Variants in RBFOX1 observed in about 807,000 individuals in gnomAD.
RBFOX1 encodes RNA binding protein fox-1 homolog 1.
Under a neutral mutation model 57.7 loss-of-function variants are expected in RBFOX1, and 8 were observed. That is an observed-to-expected ratio of 0.14 (90% CI 0.08 to 0.25). The LOEUF (loss-of-function observed/expected upper bound fraction) is 0.25, where lower values mean the gene tolerates loss of function less well. RBFOX1 is among the 10% of genes least tolerant of loss of function. RBFOX1 has a pLI of 1.00. For synonymous variants in RBFOX1, 326 were observed against 222.4 expected, an observed-to-expected ratio of 1.47 and a Z score of -4.15; for missense variants, 611 against 548.5, an observed-to-expected ratio of 1.11 and a Z score of -1.14.
intron 2 of RBFOX1, among the ~76,000 whole-genome samples, chr16:6,433,351 T>C (rs2153009742): frequency 6.6e-6 from 1 of 152,358 alleles, no homozygotes; most frequent in Admixed American, 6.5e-5. Context: ...ACTATTTCAG[T>C]TATCACTTCC....
intron 3 of RBFOX1, among the ~76,000 whole-genome samples, chr16:5,629,234 C>T (rs1194709079): frequency 1.3e-5 from 2 of 152,110 alleles, no homozygotes; most frequent in African/African-American, 2.4e-5. Flanking sequence ...GAATACCTTC[C>T]CTCTATCCCT....
chr16:6,604,389 C>T (rs1009501121), intron 2 of RBFOX1, among the ~76,000 whole-genome samples: 7 of 151,972 alleles, frequency 4.6e-5, no homozygotes, highest in African/African-American at 1.2e-4. Flanking sequence ...GTTGCCCAAG[C>T]AGGACTTACA....
chr16:5,758,351 G>A (rs912619763), intron 3 of RBFOX1, among the ~76,000 whole-genome samples: 13 of 152,134 alleles, frequency 8.5e-5, no homozygotes, highest in African/African-American at 1.2e-4. Flanking sequence ...ATTGGAGCAC[G>A]GAGACCTGGA....
At position 6,233,302 on chromosome 16, in the gene RBFOX1, A is replaced by C. The variant is rs2152908927; in HGVS notation, c.-126-83693A>C. 1.3e-5 allele frequency among the ~76,000 whole-genome samples: 2 copies of C among 152,238 alleles called. 1 individual carries two copies. The highest frequency in any genetic ancestry group is 4.1e-4 in the South Asian group (2 of 4,828). On this transcript the variant is annotated intron_variant, in intron 1 of 15. Coordinates refer to ENST00000550418, the MANE Select transcript of RBFOX1 (RefSeq NM_018723.4). ...GGAAGATACATTAAGACATGATTGC[A>C]GGGTGAGGTTTCTGTTAATTCCTTG...
intron 2 of RBFOX1, among the ~76,000 whole-genome samples, chr16:6,419,892 A>G (rs1052320529): frequency 6.6e-6 from 1 of 152,184 alleles, no homozygotes; most frequent in Admixed American, 6.6e-5. Context: ...TGGACCATCA[A>G]TCAGTAAAAA....
At position 5,946,049 on chromosome 16, in the gene RBFOX1, A is replaced by G. The variant is rs2059393876; in HGVS notation, c.351+78714A>G. Among the ~76,000 whole-genome samples the G allele has an allele frequency of 6.6e-6, 1 of 152,230 alleles. No individual in the cohort carries two copies. Among genetic ancestry groups the G allele is most frequent in the Non-Finnish European group, 1.5e-5 (1 of 68,042 alleles). ...AGAAAAGAAGTCTGCTTTGTTTGCTAGTAAAGTGAGGGGGAGACAGGGTTT... is the reference window on the plus strand; with the variant it reads ...AGAAAAGAAGTCTGCTTTGTTTGCTGGTAAAGTGAGGGGGAGACAGGGTTT... On this transcript the variant is annotated intron_variant, in intron 4 of 19. Transcript: ENST00000641259. This position sits in a 1 kb window ranked among gnomAD's most constrained non-coding sequence, Gnocchi z 4.6.
At chr16:5,879,800 C>T (rs1406717126) in intron 4 of RBFOX1, among the ~76,000 whole-genome samples, 2 of 152,284 alleles carry the variant, frequency 1.3e-5, no homozygotes, top group African/African-American at 2.4e-5. Flanking sequence ...GTACAGGATG[C>T]TTCTCTCTTG....
At chr16:6,964,360 A>G (rs962303462) in intron 3 of RBFOX1, among the ~76,000 whole-genome samples, 2 of 152,150 alleles carry the variant, frequency 1.3e-5, no homozygotes, top group Non-Finnish European at 2.9e-5. Flanking sequence ...TCTATGTGAC[A>G]CTGTAATGGT....
intron 3 of RBFOX1, among the ~76,000 whole-genome samples, chr16:6,894,106 A>G (rs962446299): frequency 1.3e-5 from 2 of 152,226 alleles, no homozygotes; most frequent in African/African-American, 4.8e-5. Flanking sequence ...AGACGAACAG[A>G]TACAAACATA....
intron 3 of RBFOX1, among the ~76,000 whole-genome samples, chr16:6,906,574 A>G (rs1416445303): frequency 6.6e-6 from 1 of 152,230 alleles, no homozygotes; most frequent in Admixed American, 6.5e-5. Flanking sequence ...GTTAAAAACA[A>G]GGGGTACATC....
chr16:6,674,105 A>C (rs9929593), intron 3 of RBFOX1, among the ~76,000 whole-genome samples: 101,799 of 152,022 alleles, frequency 0.67, 35,394 homozygotes, highest in Non-Finnish European at 0.76. Flanking sequence ...ACACCATTCA[A>C]ATTGGCTTAA....
intron 1 of RBFOX1, among the ~76,000 whole-genome samples, chr16:5,339,581 C>T (rs1320639091): frequency 1.4e-5 from 2 of 141,466 alleles, no homozygotes; most frequent in East Asian, 4.4e-4. Flanking sequence ...CTCTCGGGTT[C>T]AGGTGATTCT....
At chr16:6,940,848 AGTCT>A (rs1359177824) in intron 3 of RBFOX1, among the ~76,000 whole-genome samples, 2,393 of 58,394 alleles carry the variant, frequency 0.041, 101 homozygotes, top group Middle Eastern at 0.07. Context: ...ATGTCCGGCT[AGTCT>A]GTGTGTGTGT....
At chr16:7,659,628 A>G (rs567347065) in intron 12 of RBFOX1, among the ~76,000 whole-genome samples, 1 of 152,202 alleles carries the variant, frequency 6.6e-6, no homozygotes, top group South Asian at 2.1e-4. Context: ...ATGTTTTAAG[A>G]AAGTTAATGG....
At chr16:6,994,460 C>T (rs936980887) in intron 3 of RBFOX1, among the ~76,000 whole-genome samples, 1 of 152,130 alleles carries the variant, frequency 6.6e-6, no homozygotes, top group Non-Finnish European at 1.5e-5. Context: ...CTTTTTAATG[C>T]CATGCTAAGA....
At position 7,673,544 on chromosome 16, in the gene RBFOX1, T is replaced by G. The variant is rs778440708; in HGVS notation, c.931-3230T>G. 2.0e-5 allele frequency among the ~76,000 whole-genome samples: 3 copies of G among 152,174 alleles called. No homozygotes were observed. The East Asian group carries it at 5.8e-4, about 29-fold the overall frequency. On this transcript the variant is annotated intron_variant, in intron 13 of 15. Transcript: ENST00000550418. ...CAACATAGTGAGACCCCATCTCTAG[T>G]AGTAATAAGAGAACAAAATGCTTTA...
At chr16:7,257,888 A>G (rs889051004) in intron 4 of RBFOX1, among the ~76,000 whole-genome samples, 1 of 152,174 alleles carries the variant, frequency 6.6e-6, no homozygotes, top group Non-Finnish European at 1.5e-5. Context: ...TGGGCAGGGA[A>G]TGATTTGGTT....
At chr16:5,844,973 TC>T (rs529658583) in intron 3 of RBFOX1, among the ~76,000 whole-genome samples, 8 of 152,120 alleles carry the variant, frequency 5.3e-5, no homozygotes, top group Non-Finnish European at 1.0e-4. Context: ...TGTGAGGCAT[TC>T]ATAACACAAG....
intron 4 of RBFOX1, among the ~76,000 whole-genome samples, chr16:7,501,058 C>CCT (rs1352677676): frequency 6.6e-6 from 1 of 152,204 alleles, no homozygotes; most frequent in African/African-American, 2.4e-5. Context: ...GCCTCTCCAG[C>CCT]CAGGCTGAAC....
Sources: allele counts gnomAD v4.1 joint callset (sites outside exome capture counted in the v4.1 genomes callset), GRCh38; gene constraint gnomAD v4.1.1; non-coding constraint Gnocchi (gnomAD v3.1); transcripts MANE v1.5; gene names NCBI Gene and HGNC (gene_info 2026-07-23, HGNC 2026-07-21).